Variants in PHACTR1 observed in about 807,000 individuals in gnomAD.
PHACTR1 encodes phosphatase and actin regulator 1, also known as RPEL repeat containing 1.
PHACTR1 carries 16 observed loss-of-function variants against 69.2 expected under a neutral mutation model. That is an observed-to-expected ratio of 0.23 (90% CI 0.16 to 0.35). The LOEUF is 0.35. Among genes scored for constraint, PHACTR1 ranks in the 10% least tolerant of loss-of-function variants. The pLI is 1.00. For missense variants in PHACTR1, 510 were observed against 734.7 expected, an observed-to-expected ratio of 0.69 and a Z score of 3.54; for synonymous variants, 312 against 284.5, an observed-to-expected ratio of 1.10 and a Z score of -0.97.
At chr6:12,954,634 G>A (rs1424735127) in intron 4 of PHACTR1, among the ~76,000 whole-genome samples, 2 of 152,068 alleles carry the variant, frequency 1.3e-5, no homozygotes, top group East Asian at 1.9e-4. Flanking sequence ...GCAACACAAG[G>A]AAAGAACTTT....
In PHACTR1 at chr6:13,232,515, C is replaced by T. The variant is rs551420979; in HGVS notation, c.1391+2322C>T. The stretch of plus-strand genomic sequence containing the variant: ...AGTAACATGGCCTTCTCTTTTAATA[C>T]CTCAGTGATAGTTACAGCTCTCTAG... On this transcript the variant is annotated intron_variant, in intron 10 of 14. Transcript: ENST00000332995. Among the ~76,000 whole-genome samples the T allele has an allele frequency of 5.9e-5, 9 of 152,300 alleles. No individual in the cohort carries two copies. In the East Asian group the frequency reaches 1.7e-3, roughly 29 times the overall value.
chr6:13,181,748 G>C (rs1365032744), intron 6 of PHACTR1, among the ~76,000 whole-genome samples: 1 of 152,132 alleles, frequency 6.6e-6, no homozygotes, highest in Non-Finnish European at 1.5e-5. Context: ...TCCAAGTAGA[G>C]AAATTGGACC....
chr6:13,224,855 C>G (rs1279239090), intron 8 of PHACTR1, among the ~76,000 whole-genome samples: 1 of 152,198 alleles, frequency 6.6e-6, no homozygotes, highest in Non-Finnish European at 1.5e-5. Context: ...GCTCTGGAGA[C>G]TGGACTGAAA....
intron 4 of PHACTR1, among the ~76,000 whole-genome samples, chr6:13,044,856 G>A (rs754495088): frequency 4.6e-5 from 7 of 152,220 alleles, no homozygotes; most frequent in Non-Finnish European, 7.3e-5. Context: ...GTCCTTAGCA[G>A]ATAATGTCCT....
chr6:12,754,597 T>G (rs982302020), intron 4 of PHACTR1, among the ~76,000 whole-genome samples: 1 of 152,196 alleles, frequency 6.6e-6, no homozygotes, highest in African/African-American at 2.4e-5. Flanking sequence ...AATCTCATTA[T>G]GTCATGCATT....
chr6:13,092,330 T>C (rs964622440), intron 5 of PHACTR1, among the ~76,000 whole-genome samples: 5 of 152,220 alleles, frequency 3.3e-5, no homozygotes, highest in African/African-American at 1.2e-4. Context: ...ATACAATTTG[T>C]TCTTTTAACA....
chr6:12,725,294 G>A (rs1762636491), intron 3 of PHACTR1, among the ~76,000 whole-genome samples: 1 of 152,144 alleles, frequency 6.6e-6, no homozygotes, highest in Admixed American at 6.5e-5. Context: ...GGCCCCAAGA[G>A]ACAAAGACAT....
At chr6:12,934,840 A>AC (rs1004195320) in intron 4 of PHACTR1, among the ~76,000 whole-genome samples, 3 of 151,980 alleles carry the variant, frequency 2.0e-5, no homozygotes, top group African/African-American at 7.3e-5. Flanking sequence ...TCTCTCAAAA[A>AC]AAAAAACAAA....
At chr6:12,947,868 C>G (rs1008263371) in intron 4 of PHACTR1, among the ~76,000 whole-genome samples, 1 of 152,220 alleles carries the variant, frequency 6.6e-6, no homozygotes, top group African/African-American at 2.4e-5. Context: ...GAAATCACTT[C>G]TGCTTTCTTC....
chr6:12,804,302 A>G (rs768125374), intron 4 of PHACTR1, among the ~76,000 whole-genome samples: 1 of 152,174 alleles, frequency 6.6e-6, no homozygotes, highest in Non-Finnish European at 1.5e-5. Flanking sequence ...GGCTGTTTTC[A>G]TTGTTGACTT....
At chr6:13,049,115 G>T (rs9473285) in intron 4 of PHACTR1, among the ~76,000 whole-genome samples, 8 of 151,916 alleles carry the variant, frequency 5.3e-5, no homozygotes, top group Admixed American at 1.3e-4. Flanking sequence ...ATAATACCCT[G>T]TGTTCCTTGC....
chr6:12,854,023 A>G (rs1780084242), intron 4 of PHACTR1, among the ~76,000 whole-genome samples: 1 of 152,226 alleles, frequency 6.6e-6, no homozygotes, highest in South Asian at 2.1e-4. Flanking sequence ...GTCAATACGT[A>G]TAGGTGGAAC....
intron 4 of PHACTR1, among the ~76,000 whole-genome samples, chr6:12,818,045 G>C (rs879229459): frequency 3.3e-5 from 5 of 151,988 alleles, no homozygotes; most frequent in African/African-American, 9.7e-5. Context: ...GGATGGTCTC[G>C]ATCTCCTGAC....
intron 4 of PHACTR1, among the ~76,000 whole-genome samples, chr6:13,025,228 C>G (rs927024461): frequency 2.0e-5 from 3 of 152,022 alleles, no homozygotes; most frequent in Admixed American, 2.0e-4. Flanking sequence ...ACACTCTAGC[C>G]TGGGTGACAG....
At chr6:13,187,036 T>C (rs1383829064) in intron 7 of PHACTR1, among the ~76,000 whole-genome samples, 2 of 152,106 alleles carry the variant, frequency 1.3e-5, no homozygotes, top group Non-Finnish European at 2.9e-5. Flanking sequence ...CAGTTCACAA[T>C]AGGGTTCGCG....
At chr6:12,885,379 A>C (rs1783538580) in intron 4 of PHACTR1, among the ~76,000 whole-genome samples, 1 of 152,198 alleles carries the variant, frequency 6.6e-6, no homozygotes, top group Non-Finnish European at 1.5e-5. Flanking sequence ...CCTGTAGGCA[A>C]TTATCATTTG....
chr6:13,139,747 CATTAATTATAAAGAA>C (rs1438240348), intron 5 of PHACTR1, among the ~76,000 whole-genome samples: 1 of 152,008 alleles, frequency 6.6e-6, no homozygotes, highest in African/African-American at 2.4e-5. Context: ...TACTGTTCTT[CATTAATTATAAAGAA>C]ATTTGTGGCT....
chr6:12,861,618 C>T (rs1780947585), intron 4 of PHACTR1, among the ~76,000 whole-genome samples: 1 of 152,152 alleles, frequency 6.6e-6, no homozygotes, highest in Admixed American at 6.5e-5. Context: ...AAAGGAGGAG[C>T]AGTGGTCTTC....
intron 5 of PHACTR1, among the ~76,000 whole-genome samples, chr6:13,131,363 G>T (rs989141300): frequency 2.6e-5 from 4 of 151,792 alleles, no homozygotes; most frequent in African/African-American, 9.7e-5. Context: ...ACCAAATATT[G>T]TATGTTCTTA....
Sources: gnomAD v4.1 joint callset for allele counts (sites outside exome capture counted in the v4.1 genomes callset) on GRCh38, gnomAD v4.1.1 for gene constraint, MANE v1.5 for transcripts, NCBI Gene and HGNC (gene_info 2026-07-23, HGNC 2026-07-21) for gene names.